Variants in TNFSF4 observed in about 807,000 individuals in gnomAD.
TNFSF4 encodes the protein tumor necrosis factor ligand superfamily member 4.
Under a neutral mutation model 7.3 loss-of-function variants are expected in TNFSF4, and 4 were observed. The ratio of observed to expected loss-of-function variants is 0.55; its 90% CI spans 0.27 to 1.25. TNFSF4 has a LOEUF of 1.25. Among genes scored for constraint, TNFSF4 ranks in the 50% most tolerant of loss-of-function variants. The pLI, the probability that TNFSF4 is intolerant of heterozygous loss-of-function variation, is 0.12. For missense variants in TNFSF4, 181 were observed against 208.8 expected (o/e 0.87, Z 0.82); for synonymous variants, 76 against 83.7 (o/e 0.91, Z 0.50).
the TNFSF4 span, among the ~76,000 whole-genome samples, chr1:173,327,646 C>A: frequency 6.6e-6 from 1 of 151,446 alleles, no homozygotes; most frequent in African/African-American, 2.4e-5. Flanking sequence ...TGAACTCAAA[C>A]AAATTTACAA....
chr1:173,193,574 T>C (rs1212776084), intron 1 of TNFSF4, among the ~76,000 whole-genome samples: 1 of 152,176 alleles, frequency 6.6e-6, no homozygotes, highest in Non-Finnish European at 1.5e-5. Context: ...ACTATTTTTC[T>C]CCCACGCGAA....
the TNFSF4 span, among the ~76,000 whole-genome samples, chr1:173,442,834 C>T: frequency 6.6e-6 from 1 of 151,946 alleles, no homozygotes; most frequent in East Asian, 1.9e-4. Flanking sequence ...CAGGTGTGAG[C>T]CACTGTGCCC....
the TNFSF4 span, among the ~76,000 whole-genome samples, chr1:173,437,296 C>T: frequency 6.6e-6 from 1 of 152,162 alleles, no homozygotes; most frequent in Non-Finnish European, 1.5e-5. Context: ...TTGTGAATTA[C>T]CCAACCTGAG....
At chr1:173,300,281 C>T in the TNFSF4 span, among the ~76,000 whole-genome samples, 1 of 151,694 alleles carries the variant, frequency 6.6e-6, no homozygotes, top group Non-Finnish European at 1.5e-5. Flanking sequence ...CTTTGGCCTA[C>T]CCATATTGGG....
At chr1:173,235,287 C>T in the TNFSF4 span, among the ~76,000 whole-genome samples, 1 of 152,166 alleles carries the variant, frequency 6.6e-6, no homozygotes, top group African/African-American at 2.4e-5. Context: ...GTGGAGAGAG[C>T]AGAATTAAAA....
the TNFSF4 span, among the ~76,000 whole-genome samples, chr1:173,233,584 T>A: frequency 6.6e-6 from 1 of 152,208 alleles, no homozygotes; most frequent in East Asian, 1.9e-4. Context: ...CCTTGCAGAT[T>A]CTCAAAGATG....
chr1:173,321,667 C>G, the TNFSF4 span, among the ~76,000 whole-genome samples: 1 of 151,728 alleles, frequency 6.6e-6, no homozygotes, highest in African/African-American at 2.4e-5. Context: ...AGGATATCAA[C>G]AGACATTTCT....
the TNFSF4 span, among the ~76,000 whole-genome samples, chr1:173,435,003 C>A: frequency 6.6e-6 from 1 of 152,144 alleles, no homozygotes; most frequent in Admixed American, 6.5e-5. Flanking sequence ...ACTGAGGTTC[C>A]ACCTATGAGC....
the TNFSF4 span, among the ~76,000 whole-genome samples, chr1:173,395,016 A>T: frequency 7.7e-6 from 1 of 129,306 alleles, no homozygotes; most frequent in African/African-American, 2.8e-5. Context: ...AGATAGATAG[A>T]TAGATAGATA....
At chr1:173,397,257 A>G in the TNFSF4 span, among the ~76,000 whole-genome samples, 83 of 152,276 alleles carry the variant, frequency 5.5e-4, 2 homozygotes, top group East Asian at 0.015. Flanking sequence ...CAATTTCCAA[A>G]CGAGATCGTT....
chr1:173,335,535 G>A, the TNFSF4 span, among the ~76,000 whole-genome samples: 5 of 152,262 alleles, frequency 3.3e-5, no homozygotes, highest in East Asian at 1.9e-4. Context: ...GAGTCAAGGC[G>A]GCAGTCAGGC....
chr1:173,390,017 G>A, the TNFSF4 span, among the ~76,000 whole-genome samples: 15 of 152,092 alleles, frequency 9.9e-5, no homozygotes, highest in African/African-American at 3.6e-4. Context: ...TTGGGCCTGG[G>A]TTAAGGGTAA....
intron 1 of TNFSF4, among the ~76,000 whole-genome samples, chr1:173,202,015 G>A (rs1457797035): frequency 6.6e-6 from 1 of 151,546 alleles, no homozygotes. Context: ...CTGAAGTGGG[G>A]TAAGCTGTCA....
chr1:173,292,957 G>A, the TNFSF4 span, among the ~76,000 whole-genome samples: 68 of 152,128 alleles, frequency 4.5e-4, no homozygotes, highest in Non-Finnish European at 8.7e-4. Flanking sequence ...TCTCTATAAT[G>A]AGAATTACAA....
At chr1:173,355,032 C>T in the TNFSF4 span, among the ~76,000 whole-genome samples, 2 of 152,208 alleles carry the variant, frequency 1.3e-5, no homozygotes, top group Non-Finnish European at 2.9e-5. Flanking sequence ...AGCTGTATTC[C>T]TGCTGGAGGC....
upstream of TNFSF4, among the ~76,000 whole-genome samples, chr1:173,212,307 G>A (rs564732355): frequency 2.6e-5 from 4 of 152,050 alleles, no homozygotes; most frequent in East Asian, 1.9e-4. Context: ...GACAAACATC[G>A]AAACCATAGC....
chr1:173,259,867 G>A, the TNFSF4 span, among the ~76,000 whole-genome samples: 1 of 152,090 alleles, frequency 6.6e-6, no homozygotes, highest in African/African-American at 2.4e-5. Flanking sequence ...ACCTACAACT[G>A]GGGCACCTGA....
At chr1:173,225,508 T>G in the TNFSF4 span, among the ~76,000 whole-genome samples, 6 of 152,194 alleles carry the variant, frequency 3.9e-5, no homozygotes, top group African/African-American at 1.4e-4. Context: ...GCACCAAAAT[T>G]TACTAAACAC....
the TNFSF4 span, chr1:173,418,295 T>C: frequency 3.9e-5 from 6 of 152,208 alleles, no homozygotes; most frequent in African/African-American, 1.4e-4. Flanking sequence ...AGCACTTGCT[T>C]GTCAAGGGAG....
Sources: gnomAD v4.1 joint callset for allele counts (sites outside exome capture counted in the v4.1 genomes callset) on GRCh38, gnomAD v4.1.1 for gene constraint, MANE v1.5 for transcripts, NCBI Gene and HGNC (gene_info 2026-07-23, HGNC 2026-07-21) for gene names.